KRT32: variants seen among roughly 807,000 people sequenced by gnomAD.
KRT32 encodes keratin 32, also known as keratin, type I cuticular Ha2.
KRT32 carries 44 observed loss-of-function variants against 41.8 expected under a neutral mutation model. That is an observed-to-expected ratio of 1.05 (90% CI 0.83 to 1.35). The LOEUF (loss-of-function observed/expected upper bound fraction) is 1.35, where lower values mean the gene tolerates loss of function less well. KRT32 is among the 40% of genes most tolerant of loss of function. The probability of loss-of-function intolerance (pLI) is 0.00; values close to 1 mark genes in which losing one functional copy is unlikely to be tolerated. For missense variants in KRT32, 576 were observed against 584.6 expected, an observed-to-expected ratio of 0.99 and a Z score of 0.15; for synonymous variants, 238 against 242.5, an observed-to-expected ratio of 0.98 and a Z score of 0.17.
intron 5 of KRT32, among the ~76,000 whole-genome samples, 171 bp from the exon 6 acceptor site, chr17:41,463,221 A>G (rs1032282774): frequency 2.6e-5 from 4 of 152,222 alleles, no homozygotes; most frequent in Non-Finnish European, 5.9e-5. Context: ...TCAAGGGTAA[A>G]CAGCTGGTAC....
rs143314362 is a variant in KRT32 at position 41,459,534 on chromosome 17, T to C, written c.*576A>G. Among the ~76,000 whole-genome samples, 2 of 151,940 alleles carry C rather than the reference T, an allele frequency of 1.3e-5. No homozygotes were observed. The highest frequency in any genetic ancestry group is 2.4e-5 in the African/African-American group (1 of 41,186). On this transcript the variant is annotated 3_prime_UTR_variant, in exon 7 of 7. Transcript: ENST00000225899. ...GTAATGAGATTTAGGGGTGGGTTTA[T>C]TATGATATGATTCTCAATTACAGTA...
In KRT32 at chr17:41,460,773, G is replaced by A. The variant is rs115630567; in HGVS notation, c.1218-534C>T. On this transcript the variant is annotated intron_variant, in intron 6 of 6. Transcript: ENST00000225899. ...ATGCAGGGCTTAAAACCTAGATGAC[G>A]GGTTGATAGGCAACAAACCACCACC... is the stretch of plus-strand genomic sequence containing the variant. Among the ~76,000 whole-genome samples, 10 of 152,180 alleles carry A rather than the reference G, an allele frequency of 6.6e-5. No individual in the cohort carries two copies. The South Asian group carries it at 8.3e-4, about 13-fold the overall frequency.
intron 6 of KRT32, among the ~76,000 whole-genome samples, chr17:41,460,887 C>A (rs2857249): frequency 0.71 from 108,471 of 151,928 alleles, 38,892 homozygotes; most frequent in East Asian, 0.89. Context: ...TAAAGAAAAG[C>A]AGCTTCCTTA....
chr17:41,465,731 C>G (rs780499585), intron 3 of KRT32, 42 bp downstream of exon 3: 2 of 1,588,800 alleles, frequency 1.3e-6, no homozygotes, highest in East Asian at 2.3e-5. Context: ...GTTCCTCCCC[C>G]TCTGCTTCCC....
chr17:41,462,702 T>C, intron 6 of KRT32, 128 bp downstream of exon 6: 1 of 1,029,748 alleles, frequency 9.7e-7, no homozygotes, highest in Non-Finnish European at 1.4e-6. Flanking sequence ...GCATACCAGC[T>C]TCTTAATGGC....
chr17:41,461,277 T>G (rs2018999849), intron 6 of KRT32, among the ~76,000 whole-genome samples: 1 of 152,152 alleles, frequency 6.6e-6, no homozygotes, highest in Non-Finnish European at 1.5e-5. Context: ...ATACCTCACA[T>G]AGAATAGGCA....
rs192768473 is a variant in KRT32 at position 41,465,683 on chromosome 17, G to A, written c.708+90C>T. On this transcript the variant is annotated intron_variant, in intron 3 of 6. Coordinates refer to ENST00000225899, the MANE Select transcript of KRT32 (RefSeq NM_002278.3). ...ACTAAAACAACATGTGGCAGGCTTG[G>A]GAATTTCAACCCACGCCTATCCAAC... 119 of 1,357,862 alleles carry A rather than the reference G, an allele frequency of 8.8e-5. No homozygotes were observed. In the East Asian group the frequency reaches 2.6e-3, roughly 29 times the overall value. The allele number at this position is 1,357,862 out of a possible 1,614,324, so 84.1% of individuals were successfully genotyped here.
At chr17:41,460,684 T>C (rs184388841) in intron 6 of KRT32, among the ~76,000 whole-genome samples, 39 of 152,174 alleles carry the variant, frequency 2.6e-4, no homozygotes, top group African/African-American at 8.4e-4. Context: ...GAACATCATA[T>C]ACTGGGGCCT....
In KRT32 at chr17:41,464,387, A is replaced by G. The variant is rs1200096949; in HGVS notation, c.765T>C (p.Ala255=). The stretch of plus-strand genomic sequence containing the variant: ...CCCTGGTCAGGTCCACCGGGGGTGC[A>G]GCGTCCACCTCGATGTTAAGGCGGT... ...LGDRLNIEVD[A]APPVDLTRVL... The change falls in exon 4 of 7, where the codon GCT becomes GCC. Residue 255 remains alanine (A), a synonymous_variant. Coordinates refer to ENST00000225899, the MANE Select transcript of KRT32 (RefSeq NM_002278.3). The G allele has an allele frequency of 3.1e-6, 5 of 1,608,820 alleles. No homozygotes were observed. The highest frequency in any genetic ancestry group is 1.7e-4 in the Middle Eastern group (1 of 6,036).
At chr17:41,465,110 G>A (rs745443052) in intron 3 of KRT32, among the ~76,000 whole-genome samples, 1 of 152,196 alleles carries the variant, frequency 6.6e-6, no homozygotes, top group Non-Finnish European at 1.5e-5. Flanking sequence ...CATGGCTCAG[G>A]TGGGCTTGGC....
rs771625588 is a variant in KRT32, at chr17:41,465,838, C to T, written c.643G>A (p.Asp215Asn). The T allele has an allele frequency of 6.2e-7, 1 of 1,613,536 alleles. No individual in the cohort carries two copies. Among genetic ancestry groups the T allele is most frequent in the African/African-American group, 1.3e-5 (1 of 74,908 alleles). ...ILDDLTLCKADLEAQVESLKE... is the reference protein window; with the variant it reads ...ILDDLTLCKANLEAQVESLKE... ...AGGGACTCAACCTGGGCCTCCAGGT[C>T]AGCCTTGCACAGAGTGAGATCATCC... Residue 215 changes from aspartate to asparagine, a missense_variant, in exon 3 of 7, where the codon GAC becomes AAC. Asp to Asn is a conservative substitution (Grantham distance 23). Coordinates refer to ENST00000225899, the MANE Select transcript of KRT32 (RefSeq NM_002278.3).
chr17:41,462,798 C>A, intron 6 of KRT32, 32 bp downstream of exon 6: 1 of 1,608,716 alleles, frequency 6.2e-7, no homozygotes, highest in Non-Finnish European at 8.5e-7. Context: ...TCCCTGCCCA[C>A]GTCTCTCTAA....
intron 2 of KRT32, 47 bp downstream of exon 2, chr17:41,466,047 C>G (rs756977901): frequency 1.2e-6 from 2 of 1,609,156 alleles, no homozygotes; most frequent in Non-Finnish European, 1.7e-6. Context: ...GCCCCAGAGC[C>G]TATGAGGACA....
chr17:41,461,857 T>C (rs1235978745), intron 6 of KRT32, among the ~76,000 whole-genome samples: 1 of 152,252 alleles, frequency 6.6e-6, no homozygotes, highest in African/African-American at 2.4e-5. Flanking sequence ...TGGGTGTCCA[T>C]GGCCCAGAGG....
chr17:41,466,664 G>C (rs1251208286), intron 1 of KRT32, among the ~76,000 whole-genome samples, 194 bp downstream of exon 1: 2 of 152,228 alleles, frequency 1.3e-5, no homozygotes, highest in African/African-American at 4.8e-5. Flanking sequence ...GGCAATGGTA[G>C]AACTGAGACT....
chr17:41,460,083 T>C lies in KRT32; in HGVS notation c.*27A>G, dbSNP rs2018984083. On this transcript the variant is annotated 3_prime_UTR_variant, in exon 7 of 7. Transcript: ENST00000225899. ...TACCAGGCTGCCCAGCCCCAGGCCC[T>C]CCAGGATCCACTGGCACAAAGGGAC... is the stretch of plus-strand genomic sequence containing the variant. The C allele has an allele frequency of 6.3e-7, 1 of 1,577,050 alleles. No individual in the cohort carries two copies. The highest frequency in any genetic ancestry group is 8.6e-7 in the Non-Finnish European group (1 of 1,161,946).
chr17:41,464,554 G>C, intron 3 of KRT32, 111 bp from the exon 4 acceptor site: 1 of 1,068,816 alleles, frequency 9.4e-7, no homozygotes, highest in Non-Finnish European at 1.3e-6. Flanking sequence ...TGAAACATTA[G>C]ATGGCCCCTA....
At position 41,459,945 on chromosome 17, in the gene KRT32, TGAGGGCTTAAGTATCCCCTG is replaced by T; in HGVS notation, c.*145_*164del. 2 of 650,092 alleles carry T rather than the reference TGAGGGCTTAAGTATCCCCTG, an allele frequency of 3.1e-6. No homozygotes were observed. The highest frequency in any genetic ancestry group is 4.5e-5 in the South Asian group (2 of 44,068). 40.3% of individuals were successfully genotyped at this position (650,092 alleles called of 1,614,324 possible). On this transcript the variant is annotated 3_prime_UTR_variant, in exon 7 of 7. Transcript: ENST00000225899. The stretch of plus-strand genomic sequence containing the variant: ...GAAAAAAGAGGCAGTTTTGAAGTGA[TGAGGGCTTAAGTATCCCCTG>T]GAGTATCAGAGCTTGTTGCAGGTGA...
intron 3 of KRT32, 102 bp downstream of exon 3, chr17:41,465,671 G>A (rs1049268986): frequency 8.1e-7 from 1 of 1,229,124 alleles, no homozygotes; most frequent in African/African-American, 1.5e-5. Context: ...AAAACAACAT[G>A]TGGCAGGCTT....
Sources: allele counts gnomAD v4.1 joint callset (sites outside exome capture counted in the v4.1 genomes callset), GRCh38; gene constraint gnomAD v4.1.1; transcripts MANE v1.5; gene names NCBI Gene and HGNC (gene_info 2026-07-23, HGNC 2026-07-21).